Variants in THSD7A observed in about 807,000 individuals in gnomAD.
THSD7A encodes the protein thrombospondin type 1 domain containing 7A.
A neutral mutation model predicts 231.3 loss-of-function variants in THSD7A; 96 were observed. The ratio of observed to expected loss-of-function variants is 0.41; its 90% CI spans 0.35 to 0.49. The LOEUF is 0.49. Among genes scored for constraint, THSD7A ranks in the 20% least tolerant of loss-of-function variants. The pLI is 0.05. For missense variants in THSD7A, 2,290 were observed against 2,070.2 expected, an observed-to-expected ratio of 1.11 and a Z score of -2.06; for synonymous variants, 940 against 743.3, an observed-to-expected ratio of 1.26 and a Z score of -4.30.
intron 23 of THSD7A, chr7:11,384,383 T>C (rs2115307368): frequency 6.6e-6 from 1 of 151,830 alleles, no homozygotes; most frequent in African/African-American, 2.4e-5. Flanking sequence ...TTTAAAGAAA[T>C]TTAAAATTTT....
chr7:11,476,401 A>G (rs1786184633), intron 7 of THSD7A, among the ~76,000 whole-genome samples: 1 of 151,478 alleles, frequency 6.6e-6, no homozygotes, highest in Non-Finnish European at 1.5e-5. Context: ...TACCTTCTCC[A>G]GTACATTAAC....
In THSD7A at chr7:11,528,494, A is replaced by G. The variant is rs1425605103; in HGVS notation, c.1822+12925T>C. Among the ~76,000 whole-genome samples the G allele has an allele frequency of 4.6e-5, 7 of 152,184 alleles. No homozygotes were observed. In the South Asian group the frequency reaches 6.2e-4, roughly 14 times the overall value. ...AATTTAGGGGATTTCTTTTCCTCAA[A>G]GAAAAATCAGGGCGGTTTATGATAG... On this transcript the variant is annotated intron_variant, in intron 6 of 27. Transcript: ENST00000423059.
At position 11,651,544 on chromosome 7, in the gene THSD7A, GCC is replaced by G. The variant is rs574442632; in HGVS notation, c.191-14585_191-14584del. On this transcript the variant is annotated intron_variant, in intron 1 of 27. Transcript: ENST00000423059. Reference sequence around the variant, plus strand: ...CTATCTAGCACTACAATGAACTATAGCCCACCCTTTTTTAGTCATGTATATAA... The same window carrying G: ...CTATCTAGCACTACAATGAACTATAGCACCCTTTTTTAGTCATGTATATAA... Among the ~76,000 whole-genome samples, 230 of 150,810 alleles carry G rather than the reference GCC, an allele frequency of 1.5e-3. 1 individual carries two copies. The highest frequency in any genetic ancestry group is 5.4e-3 in the African/African-American group (222 of 41,006).
At chr7:11,715,937 C>T (rs531730054) in intron 1 of THSD7A, among the ~76,000 whole-genome samples, 5 of 151,374 alleles carry the variant, frequency 3.3e-5, no homozygotes, top group Admixed American at 3.3e-4. Flanking sequence ...CATTAAGGTA[C>T]GAAATAAAAA....
chr7:11,519,436 C>T (rs1244019631), intron 6 of THSD7A, among the ~76,000 whole-genome samples: 1 of 152,148 alleles, frequency 6.6e-6, no homozygotes, highest in African/African-American at 2.4e-5. Context: ...ATATGTTCAG[C>T]GGCAGGATTC....
At chr7:11,799,480 A>C (rs1784219644) in intron 1 of THSD7A, among the ~76,000 whole-genome samples, 2 of 152,192 alleles carry the variant, frequency 1.3e-5, no homozygotes, top group Non-Finnish European at 2.9e-5. Flanking sequence ...ATGCTCATTT[A>C]ATAAACCTAT....
At chr7:11,830,965 A>G (rs765759788) in intron 1 of THSD7A, among the ~76,000 whole-genome samples, 15 of 152,160 alleles carry the variant, frequency 9.9e-5, no homozygotes, top group Non-Finnish European at 1.6e-4. Context: ...ATGTTTTTTT[A>G]ATGCAGAGAG....
At chr7:11,748,308 G>C (rs910130545) in intron 1 of THSD7A, among the ~76,000 whole-genome samples, 1 of 151,940 alleles carries the variant, frequency 6.6e-6, no homozygotes, top group Non-Finnish European at 1.5e-5. Flanking sequence ...TAACAGGAGA[G>C]TGAGATGAGG....
chr7:11,462,596 T>G (rs936532949), intron 9 of THSD7A, among the ~76,000 whole-genome samples: 4 of 152,212 alleles, frequency 2.6e-5, no homozygotes, highest in African/African-American at 9.6e-5. Flanking sequence ...AAATTTTATT[T>G]CTTTGTTATT....
intron 1 of THSD7A, among the ~76,000 whole-genome samples, chr7:11,753,773 GGAGA>G (rs149223505): frequency 2.5e-4 from 38 of 150,036 alleles, no homozygotes; most frequent in African/African-American, 9.0e-4. Flanking sequence ...ACAATGCAAT[GGAGA>G]GAGAGAGAGA....
chr7:11,658,381 C>G (rs185488194), intron 1 of THSD7A, among the ~76,000 whole-genome samples: 1 of 151,730 alleles, frequency 6.6e-6, no homozygotes, highest in Admixed American at 6.6e-5. Flanking sequence ...TGCTAATACA[C>G]TTGCAAAGAT....
intron 16 of THSD7A, among the ~76,000 whole-genome samples, chr7:11,420,920 T>G (rs1403885227): frequency 2.6e-5 from 4 of 152,172 alleles, no homozygotes; most frequent in Admixed American, 2.0e-4. Context: ...GGTTTTGGAC[T>G]TGCATGGGGC....
At chr7:11,459,563 A>C (rs987521513) in intron 11 of THSD7A, among the ~76,000 whole-genome samples, 2 of 152,068 alleles carry the variant, frequency 1.3e-5, no homozygotes, top group Admixed American at 6.6e-5. Context: ...CAAATAAAAT[A>C]AAATCCTAAA....
chr7:11,507,407 C>A (rs1787597152), intron 6 of THSD7A, among the ~76,000 whole-genome samples: 1 of 152,088 alleles, frequency 6.6e-6, no homozygotes. Context: ...TCTAAAATGG[C>A]AATTTGGGAA....
chr7:11,671,628 T>C (rs116105348), intron 1 of THSD7A, among the ~76,000 whole-genome samples: 1,684 of 152,278 alleles, frequency 0.011, 21 homozygotes, highest in African/African-American at 0.038. Flanking sequence ...ATTTGAGATG[T>C]TAGCTTTATT....
chr7:11,762,439 T>G (rs1782895119), intron 1 of THSD7A, among the ~76,000 whole-genome samples: 1 of 152,294 alleles, frequency 6.6e-6, no homozygotes, highest in Non-Finnish European at 1.5e-5. Flanking sequence ...CTGACTGGTA[T>G]GAGATGGTAT....
At chr7:11,557,145 T>C (rs1381259916) in intron 4 of THSD7A, among the ~76,000 whole-genome samples, 2 of 152,072 alleles carry the variant, frequency 1.3e-5, no homozygotes, top group African/African-American at 2.4e-5. Context: ...TCTGAAATAC[T>C]TTTAGTTTTC....
intron 1 of THSD7A, among the ~76,000 whole-genome samples, chr7:11,810,903 G>T (rs1172873851): frequency 6.6e-6 from 1 of 152,034 alleles, no homozygotes; most frequent in Non-Finnish European, 1.5e-5. Flanking sequence ...ATTAAATTAG[G>T]AAGACTAAAG....
chr7:11,599,695 G>A (rs1197380391), intron 2 of THSD7A, among the ~76,000 whole-genome samples: 8 of 152,220 alleles, frequency 5.3e-5, no homozygotes, highest in South Asian at 4.1e-4. Flanking sequence ...TATCATCTCC[G>A]GAGATGTGTA....
Sources: allele counts gnomAD v4.1 joint callset (sites outside exome capture counted in the v4.1 genomes callset), GRCh38; gene constraint gnomAD v4.1.1; transcripts MANE v1.5; gene names NCBI Gene and HGNC (gene_info 2026-07-23, HGNC 2026-07-21).